Variants in TADA2A observed in about 807,000 individuals in gnomAD.
The protein encoded by TADA2A is transcriptional adaptor 2A, also known as transcriptional adapter 2-alpha.
A neutral mutation model predicts 67.4 loss-of-function variants in TADA2A; 38 were observed. The observed-to-expected ratio is 0.56, with a 90% CI of 0.44 to 0.74. The LOEUF is 0.74. Among genes scored for constraint, TADA2A ranks in the 30% least tolerant of loss-of-function variants. The pLI is 0.00. For synonymous variants in TADA2A, 192 were observed against 181.6 expected (o/e 1.06, Z -0.46); for missense variants, 454 against 547.0 (o/e 0.83, Z 1.70).
intron 2 of TADA2A, among the ~76,000 whole-genome samples, 160 bp downstream of exon 2, chr17:37,411,550 G>A (rs2051869958): frequency 6.6e-6 from 1 of 152,068 alleles, no homozygotes; most frequent in Admixed American, 6.6e-5. Flanking sequence ...AGCCGCCTGA[G>A]TAGCTAGGAC....
chr17:37,430,694 C>T (rs938001990), intron 4 of TADA2A, among the ~76,000 whole-genome samples: 8 of 152,234 alleles, frequency 5.3e-5, no homozygotes, highest in African/African-American at 1.9e-4. Flanking sequence ...GAGGTTTGGT[C>T]CAGGAGTTGA....
chr17:37,457,146 TC>T (rs1480950710), intron 8 of TADA2A, among the ~76,000 whole-genome samples: 1 of 151,404 alleles, frequency 6.6e-6, no homozygotes, highest in African/African-American at 2.4e-5. Flanking sequence ...TGTCTGTTAC[TC>T]CTGTGCAGTT....
rs201818113 is a variant in TADA2A, at chr17:37,411,358, A to G, written c.-8A>G. On this transcript the variant is annotated 5_prime_UTR_variant, in exon 2 of 16. Transcript: ENST00000615182. ...AAGACCAAAGCAGCACTCGTTGCCAATTAGGGAATGGACCGTTTGGGTTCC... is the reference window on the plus strand; with the variant it reads ...AAGACCAAAGCAGCACTCGTTGCCAGTTAGGGAATGGACCGTTTGGGTTCC... 11 of 1,613,932 alleles carry G rather than the reference A, an allele frequency of 6.8e-6. No homozygotes were observed. The highest frequency in any genetic ancestry group is 5.5e-5 in the South Asian group (5 of 91,068).
In TADA2A at chr17:37,462,102, C is replaced by A; in HGVS notation, c.693C>A (p.Ile231=). 1 of 1,572,286 alleles carries A rather than the reference C, an allele frequency of 6.4e-7. No individual in the cohort carries two copies. Among genetic ancestry groups the A allele is most frequent in the Non-Finnish European group, 8.7e-7 (1 of 1,151,058 alleles). ...RKKIIRDHGL[I]NLRKFQLMER... is the part of the protein sequence containing the mutation. ...GAATTATAAGAGACCATGGATTAAT[C>A]AACCTTAGAAAGTTTCAATGTAAGT... Residue 231 remains isoleucine (I), a synonymous_variant, in exon 10 of 16, where the codon ATC becomes ATA. Transcript: ENST00000615182.
intron 2 of TADA2A, among the ~76,000 whole-genome samples, chr17:37,417,282 A>G (rs1339252818): frequency 6.6e-6 from 1 of 151,418 alleles, no homozygotes; most frequent in African/African-American, 2.4e-5. Flanking sequence ...AGGCTGAGGC[A>G]GGAGAGTCGC....
intron 3 of TADA2A, among the ~76,000 whole-genome samples, chr17:37,424,361 T>C (rs1451291901): frequency 3.3e-5 from 5 of 151,230 alleles, no homozygotes; most frequent in Non-Finnish European, 5.9e-5. Context: ...GGAGAATCTT[T>C]TTTTTTTTTT....
chr17:37,463,397 T>G (rs780147509), intron 10 of TADA2A, among the ~76,000 whole-genome samples: 1 of 152,050 alleles, frequency 6.6e-6, no homozygotes, highest in Non-Finnish European at 1.5e-5. Context: ...TATTTAATAA[T>G]ATATAGCATC....
intron 8 of TADA2A, among the ~76,000 whole-genome samples, chr17:37,450,927 G>A (rs2053214895): frequency 6.6e-6 from 1 of 152,082 alleles, no homozygotes; most frequent in African/African-American, 2.4e-5. Context: ...TTGCTCCTAT[G>A]TGTTTCTTTT....
chr17:37,456,724 T>C (rs11263750), intron 8 of TADA2A, among the ~76,000 whole-genome samples: 35,386 of 151,996 alleles, frequency 0.23, 4,208 homozygotes, highest in Middle Eastern at 0.35. Context: ...AAAATAGATA[T>C]CGAGTTTGAA....
intron 10 of TADA2A, among the ~76,000 whole-genome samples, chr17:37,462,991 G>A (rs923854896): frequency 1.3e-5 from 2 of 151,882 alleles, no homozygotes; most frequent in Admixed American, 6.6e-5. Context: ...TGTTTTTTAA[G>A]AGACAGGTTC....
chr17:37,408,932 T>G (rs2051766944), intron 1 of TADA2A, among the ~76,000 whole-genome samples: 1 of 152,162 alleles, frequency 6.6e-6, no homozygotes, highest in Admixed American at 6.5e-5. Context: ...ATTACCAGGG[T>G]GAAAAAAATC....
chr17:37,458,670 TG>T, intron 9 of TADA2A, 83 bp downstream of exon 9: 1 of 1,076,176 alleles, frequency 9.3e-7, no homozygotes, highest in Non-Finnish European at 1.3e-6. Flanking sequence ...TGTGTGTGTG[TG>T]TGTCTGTGTC....
intron 7 of TADA2A, among the ~76,000 whole-genome samples, chr17:37,443,347 G>A (rs2052978812): frequency 6.6e-6 from 1 of 151,480 alleles, no homozygotes; most frequent in Admixed American, 6.6e-5. Context: ...TCCACTTCCT[G>A]GGTTCAAGCG....
intron 12 of TADA2A, 54 bp downstream of exon 12, chr17:37,467,579 A>G: frequency 1.4e-6 from 2 of 1,411,138 alleles, no homozygotes; most frequent in Non-Finnish European, 2.0e-6. Context: ...TTCCAGACAC[A>G]CAGAGGAAGT....
chr17:37,470,365 TGTCATTGTG>T (rs1194793126), intron 12 of TADA2A, 26 bp from the exon 13 acceptor site: 4 of 1,612,520 alleles, frequency 2.5e-6, no homozygotes, highest in Middle Eastern at 3.3e-4. Flanking sequence ...TCTGCTGCAT[TGTCATTGTG>T]GTCATTGTGT....
At chr17:37,446,545 C>G (rs534663293) in intron 8 of TADA2A, among the ~76,000 whole-genome samples, 1 of 151,826 alleles carries the variant, frequency 6.6e-6, no homozygotes, top group East Asian at 1.9e-4. Context: ...TGGCTGATCA[C>G]TTGAGGCCGA....
intron 4 of TADA2A, among the ~76,000 whole-genome samples, chr17:37,435,574 C>T (rs1434378406): frequency 6.6e-6 from 1 of 152,112 alleles, no homozygotes; most frequent in Non-Finnish European, 1.5e-5. Context: ...AGGCATGAGC[C>T]ACTGTGCCCG....
intron 4 of TADA2A, among the ~76,000 whole-genome samples, chr17:37,437,366 C>T (rs916648730): frequency 5.3e-5 from 8 of 151,472 alleles, no homozygotes; most frequent in Non-Finnish European, 1.2e-4. Context: ...GCTGGGATTA[C>T]AGGCGTGAGC....
Position 37,458,574 on chromosome 17 carries a change from CAA to C in TADA2A, c.657_658del (p.Arg220ThrfsTer14), listed in dbSNP as rs765854405. The part of the protein sequence containing the change: ...DIYHSRLKER[Q>X]RRKKIIRDHG... ...CTATCATTCCAGGTTAAAGGAGAGA[CAA>C]AGACGAAAAAAGTAAGTATAAAAAA... is the stretch of plus-strand genomic sequence containing the variant. On this transcript the variant is annotated frameshift_variant, in exon 9 of 16. Coordinates refer to ENST00000615182, the MANE Select transcript of TADA2A (RefSeq NM_001166105.3). LOFTEE classifies it high-confidence loss of function. 3.1e-6 allele frequency: 5 copies of C among 1,611,984 alleles called. No individual in the cohort carries two copies. Among genetic ancestry groups the C allele is most frequent in the Non-Finnish European group, 8.5e-7 (1 of 1,179,188 alleles).
Sources: allele counts gnomAD v4.1 joint callset (sites outside exome capture counted in the v4.1 genomes callset), GRCh38; gene constraint gnomAD v4.1.1; transcripts MANE v1.5; gene names NCBI Gene and HGNC (gene_info 2026-07-23, HGNC 2026-07-21).